The following CSMD2 variants were observed in gnomAD, a reference collection of about 807,000 sequenced individuals.
CSMD2 encodes the protein CUB and sushi domain-containing protein 2.
A neutral mutation model predicts 398.5 loss-of-function variants in CSMD2; 130 were observed. The observed-to-expected ratio is 0.33, with a 90% CI of 0.28 to 0.38. The LOEUF is 0.38. CSMD2 is among the 10% of genes least tolerant of loss of function. The pLI, the probability that CSMD2 is intolerant of heterozygous loss-of-function variation, is 1.00. For missense variants in CSMD2, 3,829 were observed against 4,764.9 expected, an observed-to-expected ratio of 0.80 and a Z score of 5.78; for synonymous variants, 1,828 against 1,908.5, an observed-to-expected ratio of 0.96 and a Z score of 1.10.
intron 3 of CSMD2, among the ~76,000 whole-genome samples, chr1:34,014,419 C>G (rs1647794251): frequency 6.6e-6 from 1 of 152,242 alleles, no homozygotes; most frequent in Admixed American, 6.5e-5. Flanking sequence ...TACCACTCGT[C>G]TCCCTCACTC....
intron 1 of CSMD2, among the ~76,000 whole-genome samples, chr1:34,109,718 A>G (rs1660857169): frequency 6.6e-6 from 1 of 152,134 alleles, no homozygotes; most frequent in Admixed American, 6.5e-5. Flanking sequence ...AAAGTGGGCA[A>G]AGGACATGAA....
At chr1:34,089,737 A>G (rs1027979637) in intron 1 of CSMD2, among the ~76,000 whole-genome samples, 2 of 152,042 alleles carry the variant, frequency 1.3e-5, no homozygotes, top group African/African-American at 4.8e-5. Context: ...TCTTGCCAAG[A>G]GTCTCGACTC....
intron 27 of CSMD2, among the ~76,000 whole-genome samples, chr1:33,653,658 A>G (rs1643871897): frequency 6.6e-6 from 1 of 152,058 alleles, no homozygotes; most frequent in African/African-American, 2.4e-5. Context: ...GCTTCCCCAG[A>G]GCCTGGATCA....
At chr1:33,879,794 C>T (rs910679249) in intron 5 of CSMD2, among the ~76,000 whole-genome samples, 2 of 152,040 alleles carry the variant, frequency 1.3e-5, no homozygotes, top group South Asian at 2.1e-4. Context: ...TCTTCTTGTC[C>T]GTGTAAAGGG....
chr1:34,073,470 T>C (rs1655966199), intron 2 of CSMD2, among the ~76,000 whole-genome samples: 2 of 152,158 alleles, frequency 1.3e-5, no homozygotes, highest in South Asian at 4.1e-4. Flanking sequence ...TAAAAAGAAA[T>C]TGGACACACA....
chr1:33,526,526 A>C (rs1654788736), intron 65 of CSMD2, among the ~76,000 whole-genome samples: 1 of 152,262 alleles, frequency 6.6e-6, no homozygotes, highest in Non-Finnish European at 1.5e-5. Context: ...AGTGATAGCT[A>C]CTAAAATTGT....
In CSMD2 at chr1:34,163,305, G is replaced by T. The variant is rs1641532104; in HGVS notation, c.187+1606C>A. On this transcript the variant is annotated intron_variant, in intron 1 of 70. Transcript: ENST00000373381. This position sits in a 1 kb window ranked among gnomAD's most constrained non-coding sequence, Gnocchi z 5.4. ...ATGCACAGCCTCCCAGTGGGTGTGG[G>T]TGTGCGAGAGGCCAGAGCTCCCAGG... is the stretch of plus-strand genomic sequence containing the variant. Among the ~76,000 whole-genome samples the T allele has an allele frequency of 6.6e-6, 1 of 152,224 alleles. No individual in the cohort carries two copies. Among genetic ancestry groups the T allele is most frequent in the African/African-American group, 2.4e-5 (1 of 41,468 alleles).
At chr1:33,574,035 T>C (rs1262261270) in intron 49 of CSMD2, among the ~76,000 whole-genome samples, 3 of 152,192 alleles carry the variant, frequency 2.0e-5, no homozygotes, top group South Asian at 4.1e-4. Context: ...AAATGATTTA[T>C]AAACTAGAAT....
chr1:33,707,701 A>ATG (rs1557764943), intron 22 of CSMD2, among the ~76,000 whole-genome samples: 8 of 55,896 alleles, frequency 1.4e-4, no homozygotes, highest in African/African-American at 7.3e-4. Context: ...GCGCGCACAC[A>ATG]CACACACACA....
chr1:33,523,814 G>A (rs967460355), intron 66 of CSMD2, among the ~76,000 whole-genome samples: 10 of 152,192 alleles, frequency 6.6e-5, no homozygotes, highest in Non-Finnish European at 4.4e-5. Context: ...TGTGTGAAAT[G>A]AGCAAATGTC....
At chr1:33,859,992 A>G (rs1450087420) in intron 5 of CSMD2, among the ~76,000 whole-genome samples, 1 of 152,226 alleles carries the variant, frequency 6.6e-6, no homozygotes, top group East Asian at 1.9e-4. Flanking sequence ...AAGAGTGCAA[A>G]GATCATACAG....
chr1:33,800,160 T>C (rs1305601278), intron 10 of CSMD2, among the ~76,000 whole-genome samples: 1 of 152,218 alleles, frequency 6.6e-6, no homozygotes, highest in Non-Finnish European at 1.5e-5. Context: ...CAGTTTACAA[T>C]GTTGCTGCCA....
At chr1:33,542,422 T>C (rs1192829205) in intron 58 of CSMD2, among the ~76,000 whole-genome samples, 5 of 152,194 alleles carry the variant, frequency 3.3e-5, no homozygotes, top group Non-Finnish European at 5.9e-5. Flanking sequence ...CCAACATATA[T>C]TCTCTGCCTC....
chr1:33,818,747 T>C (rs1354185320), intron 9 of CSMD2, among the ~76,000 whole-genome samples: 1 of 152,184 alleles, frequency 6.6e-6, no homozygotes, highest in Admixed American at 6.5e-5. Context: ...ATAGTGACAC[T>C]CTTCTAGATT....
chr1:33,958,426 C>T (rs72665735), intron 3 of CSMD2, among the ~76,000 whole-genome samples: 95 of 152,252 alleles, frequency 6.2e-4, no homozygotes, highest in Middle Eastern at 3.4e-3. Flanking sequence ...GAATAGGACC[C>T]GTAGAGATGA....
intron 1 of CSMD2, among the ~76,000 whole-genome samples, chr1:34,148,244 T>G (rs1639964066): frequency 2.0e-5 from 3 of 152,298 alleles, no homozygotes; most frequent in African/African-American, 7.2e-5. Flanking sequence ...AACAGTGGCT[T>G]TCAAACCAAA....
At chr1:34,011,506 G>A (rs533117941) in intron 3 of CSMD2, among the ~76,000 whole-genome samples, 42 of 152,220 alleles carry the variant, frequency 2.8e-4, no homozygotes, top group African/African-American at 9.4e-4. Context: ...CCTAGTTCCC[G>A]GGGCCTCTCC....
chr1:33,561,790 G>A (rs189815794), intron 53 of CSMD2, among the ~76,000 whole-genome samples: 91 of 152,302 alleles, frequency 6.0e-4, no homozygotes, highest in African/African-American at 2.0e-3. Flanking sequence ...CAAGAAGGTG[G>A]TGGGAGAGCA....
At chr1:34,039,227 C>A (rs1162349281) in intron 2 of CSMD2, among the ~76,000 whole-genome samples, 1 of 152,110 alleles carries the variant, frequency 6.6e-6, no homozygotes, top group African/African-American at 2.4e-5. Flanking sequence ...GCCATGACAC[C>A]AGCTTGGCCA....
Sources: gnomAD v4.1 joint callset for allele counts (sites outside exome capture counted in the v4.1 genomes callset) on GRCh38, gnomAD v4.1.1 for gene constraint, Gnocchi (gnomAD v3.1) non-coding constraint, MANE v1.5 for transcripts, NCBI Gene and HGNC (gene_info 2026-07-23, HGNC 2026-07-21) for gene names.